CRPPA: variants seen among roughly 807,000 people sequenced by gnomAD.
CRPPA encodes the protein CDP-L-ribitol pyrophosphorylase A, also known as D-ribitol-5-phosphate cytidylyltransferase.
CRPPA carries 43 observed loss-of-function variants against 52.0 expected under a neutral mutation model. The ratio of observed to expected loss-of-function variants is 0.83; its 90% CI spans 0.65 to 1.07. The LOEUF is 1.07. Ranked by LOEUF, CRPPA falls within the 50% of genes least tolerant of loss-of-function variation. The probability of loss-of-function intolerance (pLI) is 0.00; values close to 1 mark genes in which losing one functional copy is unlikely to be tolerated. For missense variants in CRPPA, 629 were observed against 551.7 expected (o/e 1.14, Z -1.40); for synonymous variants, 250 against 203.5 (o/e 1.23, Z -1.94).
intron 9 of CRPPA, among the ~76,000 whole-genome samples, chr7:16,186,032 T>A (rs943437916): frequency 6.6e-6 from 1 of 152,194 alleles, no homozygotes; most frequent in African/African-American, 2.4e-5. Context: ...TAAATTTAGA[T>A]AAACTGGCAT....
chr7:16,337,540 C>T (rs1052495544), intron 3 of CRPPA, among the ~76,000 whole-genome samples: 1 of 151,768 alleles, frequency 6.6e-6, no homozygotes, highest in Non-Finnish European at 1.5e-5. Context: ...AAGTAAAGAA[C>T]ATCCAGGCAG....
chr7:16,170,499 C>T (rs1441309706), intron 9 of CRPPA, among the ~76,000 whole-genome samples: 1 of 152,190 alleles, frequency 6.6e-6, no homozygotes, highest in Admixed American at 6.5e-5. Context: ...GTGAGTATTA[C>T]AGCTCATAAA....
intron 2 of CRPPA, among the ~76,000 whole-genome samples, chr7:16,386,571 T>C (rs1787276318): frequency 2.6e-5 from 4 of 152,132 alleles, no homozygotes; most frequent in African/African-American, 9.7e-5. Flanking sequence ...CTATAACATA[T>C]TGAACTGTGT....
chr7:16,420,440 C>G (rs139769965), intron 1 of CRPPA, among the ~76,000 whole-genome samples: 2 of 152,298 alleles, frequency 1.3e-5, no homozygotes, highest in East Asian at 3.9e-4. Flanking sequence ...TCCTCCTTAT[C>G]CCATTCCCTG....
chr7:16,420,814 G>C (rs544229904), intron 1 of CRPPA, among the ~76,000 whole-genome samples: 17 of 152,218 alleles, frequency 1.1e-4, no homozygotes, highest in African/African-American at 3.6e-4. Flanking sequence ...GCCACACGAC[G>C]GGCCTTCCCC....
chr7:16,351,001 G>A (rs967328770), intron 3 of CRPPA, among the ~76,000 whole-genome samples: 1 of 152,156 alleles, frequency 6.6e-6, no homozygotes, highest in African/African-American at 2.4e-5. Flanking sequence ...AACAGACAAA[G>A]ACGACAATTA....
chr7:16,301,961 T>C (rs968933664), intron 4 of CRPPA, among the ~76,000 whole-genome samples: 1 of 152,200 alleles, frequency 6.6e-6, no homozygotes, highest in African/African-American at 2.4e-5. Flanking sequence ...GTAAGATTTT[T>C]ATTAAAAATG....
chr7:16,262,471 C>T (rs564340450), intron 6 of CRPPA, among the ~76,000 whole-genome samples: 74 of 152,254 alleles, frequency 4.9e-4, no homozygotes, highest in Admixed American at 1.3e-3. Context: ...ACCTTGAATT[C>T]AGATTCTCAC....
chr7:16,216,062 C>T lies in CRPPA; in HGVS notation c.1251+4G>A, dbSNP rs753402341. On this transcript the variant is annotated splice_donor_region_variant and intron_variant, in intron 9 of 9. Coordinates refer to ENST00000407010, the MANE Select transcript of CRPPA (RefSeq NM_001101426.4). Reference sequence around the variant, plus strand: ...TACATTCGGAAGATAAACATTTTACCTACCTGTGGGTAAGATATGAGAAGC... The same window carrying T: ...TACATTCGGAAGATAAACATTTTACTTACCTGTGGGTAAGATATGAGAAGC... 18 of 1,574,604 alleles carry T rather than the reference C, an allele frequency of 1.1e-5. No individual in the cohort carries two copies. The highest frequency in any genetic ancestry group is 1.5e-5 in the Non-Finnish European group (17 of 1,162,800).
At chr7:16,284,008 G>A (rs1364755767) in intron 5 of CRPPA, among the ~76,000 whole-genome samples, 1 of 152,004 alleles carries the variant, frequency 6.6e-6, no homozygotes, top group Non-Finnish European at 1.5e-5. Context: ...TACTTTGGCA[G>A]CACTTTGCAT....
chr7:16,232,117 C>T (rs767114857), intron 8 of CRPPA, among the ~76,000 whole-genome samples: 4 of 152,100 alleles, frequency 2.6e-5, no homozygotes, highest in South Asian at 2.1e-4. Flanking sequence ...GATCTGTGCA[C>T]CTATGTGAGA....
chr7:16,217,327 C>T (rs1203654425), intron 8 of CRPPA, among the ~76,000 whole-genome samples: 1 of 151,952 alleles, frequency 6.6e-6, no homozygotes, highest in Non-Finnish European at 1.5e-5. Context: ...TAGATAAAAC[C>T]ACAAAGATGG....
intron 9 of CRPPA, chr7:16,209,238 G>A (rs773342246): frequency 1.5e-4 from 40 of 274,312 alleles, no homozygotes; most frequent in Non-Finnish European, 2.5e-4. Flanking sequence ...AAGGTGGTAA[G>A]AAGAGACACG....
At chr7:16,330,709 C>A (rs1775143885) in intron 3 of CRPPA, among the ~76,000 whole-genome samples, 6 of 152,130 alleles carry the variant, frequency 3.9e-5, no homozygotes. Context: ...AGAGAAATTT[C>A]TTCCTGCTTC....
At chr7:16,376,290 A>T (rs1786884332) in intron 2 of CRPPA, 49 bp from the exon 3 acceptor site, 1 of 1,540,656 alleles carries the variant, frequency 6.5e-7, no homozygotes, top group Non-Finnish European at 8.8e-7. Context: ...AGCCATTTTA[A>T]AGTGAAATTC....
chr7:16,186,242 A>G (rs1781502525), intron 9 of CRPPA, among the ~76,000 whole-genome samples: 1 of 152,232 alleles, frequency 6.6e-6, no homozygotes, highest in Admixed American at 6.5e-5. Flanking sequence ...ATTAGAGTTC[A>G]GCTAATCCTA....
At chr7:16,411,384 T>C (rs1225358896) in intron 1 of CRPPA, among the ~76,000 whole-genome samples, 1 of 152,076 alleles carries the variant, frequency 6.6e-6, no homozygotes, top group African/African-American at 2.4e-5. Flanking sequence ...AAAAATCATT[T>C]TGGATCATTG....
intron 9 of CRPPA, among the ~76,000 whole-genome samples, chr7:16,141,776 C>T (rs1018561686): frequency 2.6e-5 from 4 of 152,178 alleles, no homozygotes; most frequent in African/African-American, 9.7e-5. Flanking sequence ...AAACATTCAA[C>T]TTGTACATTA....
At chr7:16,328,781 C>T (rs1785477645) in intron 3 of CRPPA, among the ~76,000 whole-genome samples, 1 of 152,194 alleles carries the variant, frequency 6.6e-6, no homozygotes, top group South Asian at 2.1e-4. Context: ...TCCCAAAGTG[C>T]TGGGATTACA....
Sources: gnomAD v4.1 joint callset for allele counts (sites outside exome capture counted in the v4.1 genomes callset) on GRCh38, gnomAD v4.1.1 for gene constraint, MANE v1.5 for transcripts, NCBI Gene and HGNC (gene_info 2026-07-23, HGNC 2026-07-21) for gene names.